PDXDC1: variants seen among roughly 807,000 people sequenced by gnomAD.
PDXDC1 encodes the protein pyridoxal-dependent decarboxylase domain-containing protein 1.
In PDXDC1, 42 loss-of-function variants were observed where a neutral mutation model predicts 100.1. That is an observed-to-expected ratio of 0.42 (90% CI 0.33 to 0.54). PDXDC1 has a LOEUF of 0.54. Ranked by LOEUF, PDXDC1 falls within the 20% of genes least tolerant of loss-of-function variation. The pLI is 0.10. For synonymous variants in PDXDC1, 260 were observed against 371.7 expected (o/e 0.70, Z 3.46); for missense variants, 636 against 979.2 (o/e 0.65, Z 4.68).
At chr16:15,003,889 C>T (rs1973713363) in intron 4 of PDXDC1, among the ~76,000 whole-genome samples, 1 of 152,240 alleles carries the variant, frequency 6.6e-6, no homozygotes, top group African/African-American at 2.4e-5. Flanking sequence ...GAGGCTGAGA[C>T]AGGAGAATCA....
intron 1 of PDXDC1, 65 bp downstream of exon 1, chr16:14,975,285 T>C: frequency 2.2e-6 from 3 of 1,378,184 alleles, no homozygotes; most frequent in Non-Finnish European, 2.8e-6. Context: ...CCGAGGCAAC[T>C]GTTTCCCAGT....
chr16:15,144,571 C>CCGGACA, the PDXDC1 span, among the ~76,000 whole-genome samples: 8 of 152,260 alleles, frequency 5.3e-5, no homozygotes, highest in South Asian at 4.1e-4. Context: ...TCTCTGGGTC[C>CCGGACA]CGGACACGGG....
chr16:15,119,408 A>T (rs2377172), intron 16 of PDXDC1, among the ~76,000 whole-genome samples: 131 of 139,666 alleles, frequency 9.4e-4, no homozygotes, highest in African/African-American at 2.9e-3. Flanking sequence ...AAAAAAAAAA[A>T]TTTTTTTTGT....
At chr16:15,057,220 T>C (rs746475066) in intron 16 of PDXDC1, among the ~76,000 whole-genome samples, 1 of 152,172 alleles carries the variant, frequency 6.6e-6, no homozygotes, top group Non-Finnish European at 1.5e-5. Context: ...GAAATGACTG[T>C]AGAAGATGGT....
rs1974268627 is a variant in PDXDC1, at chr16:15,006,491, G to T, written c.487G>T (p.Val163Leu). Residue 163 changes from valine (V) to leucine (L), a missense_variant, in exon 6 of 23, where the codon GTG (valine) becomes TTG (leucine). By Grantham distance (32) the Val-to-Leu change is conservative. Coordinates refer to ENST00000396410, the MANE Select transcript of PDXDC1 (RefSeq NM_015027.4). ...AIHSRYEDFVVDGFNVLYNKK... is the reference protein window; with the variant it reads ...AIHSRYEDFVLDGFNVLYNKK... ...TCATTCTCGATATGAAGACTTCGTAGTGGATGGCTTCAATGTGTTATATAA... is the reference window on the plus strand; with the variant it reads ...TCATTCTCGATATGAAGACTTCGTATTGGATGGCTTCAATGTGTTATATAA... 6.2e-7 allele frequency: 1 copy of T among 1,610,522 alleles called. No individual in the cohort carries two copies. Among genetic ancestry groups the T allele is most frequent in the Non-Finnish European group, 8.5e-7 (1 of 1,177,412 alleles).
At chr16:15,132,374 G>GC (rs1555482142) in intron 16 of PDXDC1, among the ~76,000 whole-genome samples, 1 of 32,886 alleles carries the variant, frequency 3.0e-5, no homozygotes. Context: ...CAAGGGGAGG[G>GC]AGGGGGAGGG....
At chr16:15,039,782 AAAG>A (rs2043725796), downstream of PDXDC1, among the ~76,000 whole-genome samples, 1 of 152,188 alleles carries the variant, frequency 6.6e-6, no homozygotes. Context: ...CTGATGACCT[AAAG>A]ATGTTCATTA....
At chr16:15,101,949 A>G (rs1432145270) in intron 16 of PDXDC1, among the ~76,000 whole-genome samples, 1 of 151,266 alleles carries the variant, frequency 6.6e-6, no homozygotes, top group East Asian at 2.0e-4. Context: ...CCTGGGTTCA[A>G]GCGATTCTCC....
intron 16 of PDXDC1, among the ~76,000 whole-genome samples, chr16:15,080,775 G>A (rs1299003672): frequency 6.6e-6 from 1 of 151,832 alleles, no homozygotes; most frequent in African/African-American, 2.4e-5. Context: ...ATCCATTAGT[G>A]CACCCCTAAA....
chr16:15,045,666 G>A (rs2044028819), intron 16 of PDXDC1: 1 of 152,296 alleles, frequency 6.6e-6, no homozygotes, highest in African/African-American at 2.4e-5. Flanking sequence ...GCCCTCCTTA[G>A]GAGTCACACT....
chr16:15,128,361 C>T (rs770495828), intron 16 of PDXDC1: 1 of 1,605,688 alleles, frequency 6.2e-7, no homozygotes, highest in Non-Finnish European at 8.5e-7. Context: ...CCACCCCATA[C>T]AGCATGATGC....
intron 21 of PDXDC1, 41 bp downstream of exon 21, chr16:15,034,594 G>C: frequency 6.7e-7 from 1 of 1,491,362 alleles, no homozygotes; most frequent in East Asian, 2.3e-5. Flanking sequence ...GCTGACCTTG[G>C]GAGGTTTCAC....
At chr16:15,075,506 G>A (rs1425085943) in intron 16 of PDXDC1, among the ~76,000 whole-genome samples, 1 of 151,742 alleles carries the variant, frequency 6.6e-6, no homozygotes, top group Non-Finnish European at 1.5e-5. Context: ...AGGAGGTCGA[G>A]GCTGGAGTGG....
At chr16:15,028,374 G>A (rs1161689557) in intron 14 of PDXDC1, among the ~76,000 whole-genome samples, 15 of 152,278 alleles carry the variant, frequency 9.9e-5, no homozygotes, top group Non-Finnish European at 2.1e-4. Flanking sequence ...TTCTATCAGA[G>A]CCCCCAGCTT....
At chr16:15,092,546 C>G in intron 16 of PDXDC1, 1 of 1,613,574 alleles carries the variant, frequency 6.2e-7, no homozygotes, top group South Asian at 1.1e-5. Context: ...CACAGTTCCA[C>G]CAAACCGAAC....
chr16:15,070,242 T>C, intron 16 of PDXDC1: 1 of 1,611,426 alleles, frequency 6.2e-7, no homozygotes, highest in Non-Finnish European at 8.5e-7. Flanking sequence ...GATCTAGGCA[T>C]GATTTTACAG....
chr16:15,001,921 C>G, intron 4 of PDXDC1, 65 bp downstream of exon 4: 1 of 1,372,152 alleles, frequency 7.3e-7, no homozygotes, highest in Non-Finnish European at 1.0e-6. Context: ...TGATTGCGCT[C>G]TGACAAGTTG....
At chr16:15,148,589 GC>G in the PDXDC1 span, among the ~76,000 whole-genome samples, 4 of 151,060 alleles carry the variant, frequency 2.6e-5, no homozygotes, top group Admixed American at 1.3e-4. Context: ...TCACCCTGTT[GC>G]CCAGGCTGGT....
intron 16 of PDXDC1, chr16:15,071,377 G>A: frequency 2.3e-6 from 2 of 885,904 alleles, no homozygotes; most frequent in Non-Finnish European, 3.4e-6. Context: ...TATCTCATGG[G>A]CTTCATTTTT....
Sources: gnomAD v4.1 joint callset for allele counts (sites outside exome capture counted in the v4.1 genomes callset) on GRCh38, gnomAD v4.1.1 for gene constraint, MANE v1.5 for transcripts, NCBI Gene and HGNC (gene_info 2026-07-23, HGNC 2026-07-21) for gene names.